UNC5C: variants seen among roughly 807,000 people sequenced by gnomAD.
UNC5C encodes the protein unc-5 netrin receptor C, also known as netrin receptor UNC5C.
In UNC5C, 47 loss-of-function variants were observed where a neutral mutation model predicts 99.8. The observed-to-expected ratio is 0.47, with a 90% CI of 0.37 to 0.60. The LOEUF is 0.60. Ranked by LOEUF, UNC5C falls within the 20% of genes least tolerant of loss-of-function variation. The pLI, the probability that UNC5C is intolerant of heterozygous loss-of-function variation, is 0.00. For synonymous variants in UNC5C, 487 were observed against 452.2 expected (o/e 1.08, Z -0.98); for missense variants, 1,062 against 1,165.9 (o/e 0.91, Z 1.30).
chr4:95,199,438 ATGTT>A (rs963411769), intron 12 of UNC5C, among the ~76,000 whole-genome samples: 15 of 152,168 alleles, frequency 9.9e-5, no homozygotes, highest in Non-Finnish European at 1.9e-4. Flanking sequence ...TCCATTATTC[ATGTT>A]TGTTTCAGGC....
intron 1 of UNC5C, among the ~76,000 whole-genome samples, chr4:95,442,614 CT>C (rs1295593271): frequency 6.6e-6 from 1 of 152,044 alleles, no homozygotes; most frequent in African/African-American, 2.4e-5. Flanking sequence ...TACAGGCACA[CT>C]TATCATTTTT....
At chr4:95,349,522 AT>A in intron 1 of UNC5C, among the ~76,000 whole-genome samples, 1 of 151,148 alleles carries the variant, frequency 6.6e-6, no homozygotes, top group African/African-American at 2.4e-5. Context: ...TTTGAAACAG[AT>A]TTTTCAAATC....
At chr4:95,399,424 G>A (rs1258646197) in intron 1 of UNC5C, among the ~76,000 whole-genome samples, 1 of 152,164 alleles carries the variant, frequency 6.6e-6, no homozygotes, top group African/African-American at 2.4e-5. Flanking sequence ...TTCTCCTTTA[G>A]TGATTTTCAA....
chr4:95,316,155 C>T (rs544325951), intron 2 of UNC5C, among the ~76,000 whole-genome samples: 2 of 152,174 alleles, frequency 1.3e-5, no homozygotes, highest in East Asian at 1.9e-4. Context: ...AGGAAGATAG[C>T]ATGACCTACT....
chr4:95,256,652 A>G (rs1296413037), intron 4 of UNC5C, among the ~76,000 whole-genome samples: 3 of 150,252 alleles, frequency 2.0e-5, no homozygotes, highest in Non-Finnish European at 4.4e-5. Context: ...AAGTCAGAGC[A>G]TACTATATGT....
intron 1 of UNC5C, among the ~76,000 whole-genome samples, chr4:95,345,237 T>C (rs1358624246): frequency 6.6e-6 from 1 of 151,776 alleles, no homozygotes; most frequent in Non-Finnish European, 1.5e-5. Context: ...ATACAAAAAC[T>C]ATATAAAGAG....
chr4:95,363,033 C>T (rs1339788149), intron 1 of UNC5C, among the ~76,000 whole-genome samples: 1 of 152,146 alleles, frequency 6.6e-6, no homozygotes, highest in Non-Finnish European at 1.5e-5. Context: ...CCTGGAGTTA[C>T]ACACACTCAG....
At chr4:95,222,330 T>G in intron 7 of UNC5C, 1,734 of 709,640 alleles carry the variant, frequency 2.4e-3, no homozygotes, top group Non-Finnish European at 3.3e-3. Context: ...GGAAAGAAAA[T>G]AGGAAGCATG....
At chr4:95,361,799 T>C (rs1245600994) in intron 1 of UNC5C, among the ~76,000 whole-genome samples, 6 of 152,180 alleles carry the variant, frequency 3.9e-5, no homozygotes, top group Non-Finnish European at 8.8e-5. Context: ...AACTGCCTTT[T>C]TTCACAGATT....
chr4:95,251,800 C>A (rs1368261649), intron 4 of UNC5C, among the ~76,000 whole-genome samples: 4 of 152,132 alleles, frequency 2.6e-5, no homozygotes, highest in African/African-American at 9.7e-5. Context: ...TGACATTGCA[C>A]AACTCTAAAT....
At chr4:95,222,981 T>G (rs1738530191) in intron 7 of UNC5C, among the ~76,000 whole-genome samples, 1 of 152,102 alleles carries the variant, frequency 6.6e-6, no homozygotes, top group Admixed American at 6.6e-5. Context: ...TTCAGAGAAA[T>G]GGTGTATATT....
In UNC5C at chr4:95,172,115, G is replaced by A. The variant is rs1440449997; in HGVS notation, c.2452-1783C>T. On this transcript the variant is annotated intron_variant, in intron 14 of 15. Coordinates refer to ENST00000453304, the MANE Select transcript of UNC5C (RefSeq NM_003728.4). ...GTTTTTTTCTTGTAAATTTGTTTGA[G>A]TTCATTGTAGATTCTGGATATTAGC... Among the ~76,000 whole-genome samples, 7 of 148,124 alleles carry A rather than the reference G, an allele frequency of 4.7e-5. 1 individual carries two copies. The Admixed American group carries it at 4.8e-4, about 10-fold the overall frequency.
At chr4:95,415,814 G>T (rs547821670) in intron 1 of UNC5C, among the ~76,000 whole-genome samples, 1 of 152,008 alleles carries the variant, frequency 6.6e-6, no homozygotes, top group East Asian at 1.9e-4. Flanking sequence ...AAGTACAGGC[G>T]TTAAATGGCA....
At chr4:95,293,337 C>T in intron 3 of UNC5C, among the ~76,000 whole-genome samples, 1 of 116,018 alleles carries the variant, frequency 8.6e-6, no homozygotes, top group African/African-American at 3.4e-5. Flanking sequence ...CAGGATCTCA[C>T]TGTCACCCAG....
chr4:95,461,770 C>A (rs1240328996), intron 1 of UNC5C, among the ~76,000 whole-genome samples: 1 of 152,140 alleles, frequency 6.6e-6, no homozygotes, highest in Non-Finnish European at 1.5e-5. Context: ...AACCTGGTAG[C>A]AAGCAGGAAG....
intron 14 of UNC5C, among the ~76,000 whole-genome samples, chr4:95,180,487 T>C (rs1736570058): frequency 6.6e-6 from 1 of 152,188 alleles, no homozygotes; most frequent in African/African-American, 2.4e-5. Flanking sequence ...GTCAATACAG[T>C]TAGTTAGTCT....
intron 1 of UNC5C, among the ~76,000 whole-genome samples, chr4:95,415,359 A>C (rs979989895): frequency 8.5e-5 from 13 of 152,112 alleles, no homozygotes; most frequent in Non-Finnish European, 1.0e-4. Flanking sequence ...TTGTTAAAAA[A>C]AAAACAAAAC....
rs1482229180 is a variant in UNC5C at position 95,317,449 on chromosome 4, T to C, written c.347-15700A>G. 2.6e-5 allele frequency among the ~76,000 whole-genome samples: 4 copies of C among 151,684 alleles called. No homozygotes were observed. The South Asian group carries it at 8.3e-4, about 31-fold the overall frequency. On this transcript the variant is annotated intron_variant, in intron 2 of 15. Coordinates refer to ENST00000453304, the MANE Select transcript of UNC5C (RefSeq NM_003728.4). ...ATAAGTGTGTGCGTGTGTGTGCATG[T>C]GTATATGTGCGTGTGTAAAGGAAAT...
At chr4:95,452,696 C>T (rs879374574) in intron 1 of UNC5C, among the ~76,000 whole-genome samples, 5 of 152,104 alleles carry the variant, frequency 3.3e-5, no homozygotes, top group Non-Finnish European at 5.9e-5. Context: ...TTCCTAATGC[C>T]TCGTCTATGA....
Sources: allele counts gnomAD v4.1 joint callset (sites outside exome capture counted in the v4.1 genomes callset), GRCh38; gene constraint gnomAD v4.1.1; transcripts MANE v1.5; gene names NCBI Gene and HGNC (gene_info 2026-07-23, HGNC 2026-07-21).